The following PRORP variants were observed in gnomAD, a reference collection of about 807,000 sequenced individuals.
PRORP encodes the protein protein only RNase P catalytic subunit.
PRORP carries 51 observed loss-of-function variants against 59.4 expected under a neutral mutation model. That is an observed-to-expected ratio of 0.86 (90% confidence interval 0.69 to 1.08). The LOEUF is 1.08. PRORP is among the 50% of genes least tolerant of loss of function. The pLI is 0.00. For missense variants in PRORP, 646 were observed against 690.3 expected, an observed-to-expected ratio of 0.94 and a Z score of 0.72; for synonymous variants, 231 against 245.6, an observed-to-expected ratio of 0.94 and a Z score of 0.55.
intron 4 of PRORP, among the ~76,000 whole-genome samples, chr14:35,152,983 C>T (rs1311974780): frequency 8.5e-5 from 13 of 152,180 alleles, no homozygotes; most frequent in Non-Finnish European, 1.6e-4. Flanking sequence ...ACTTCCCAGA[C>T]GGGGTGGCGG....
chr14:35,259,551 T>A (rs186935033), intron 5 of PRORP, among the ~76,000 whole-genome samples: 1 of 152,330 alleles, frequency 6.6e-6, no homozygotes, highest in East Asian at 1.9e-4. Flanking sequence ...CTATTGAACT[T>A]TTTTAGAATT....
chr14:35,257,655 C>T (rs941454798), intron 5 of PRORP, among the ~76,000 whole-genome samples: 1 of 152,054 alleles, frequency 6.6e-6, no homozygotes, highest in African/African-American at 2.4e-5. Flanking sequence ...CTGGAGGTAT[C>T]CCATAATGAA....
At chr14:35,260,918 A>T (rs1300083212) in intron 5 of PRORP, among the ~76,000 whole-genome samples, 1 of 152,156 alleles carries the variant, frequency 6.6e-6, no homozygotes, top group African/African-American at 2.4e-5. Flanking sequence ...TTCTGCAACA[A>T]AGCGATCCAT....
intron 5 of PRORP, among the ~76,000 whole-genome samples, chr14:35,199,895 T>C (rs2139123630): frequency 6.6e-6 from 1 of 152,322 alleles, no homozygotes; most frequent in East Asian, 1.9e-4. Flanking sequence ...CCAATTATAA[T>C]AGGTCTCTCT....
intron 4 of PRORP, among the ~76,000 whole-genome samples, chr14:35,162,228 T>G (rs553561491): frequency 6.6e-6 from 1 of 152,252 alleles, no homozygotes; most frequent in South Asian, 2.1e-4. Flanking sequence ...AAGATAGATA[T>G]AAGATAGATT....
At chr14:35,144,577 G>A (rs2047560880) in intron 4 of PRORP, 1 of 145,930 alleles carries the variant, frequency 6.9e-6, no homozygotes, top group Non-Finnish European at 1.5e-5. Context: ...AGCATATGAA[G>A]AAAATGAAAG....
intron 5 of PRORP, among the ~76,000 whole-genome samples, chr14:35,183,236 A>ACACG (rs1327330111): frequency 1.1e-4 from 16 of 151,952 alleles, no homozygotes; most frequent in Admixed American, 6.6e-4. Flanking sequence ...ACACACACAC[A>ACACG]CACGCACACA....
chr14:35,239,654 A>G (rs1038797065), intron 5 of PRORP, among the ~76,000 whole-genome samples: 2 of 152,220 alleles, frequency 1.3e-5, no homozygotes, highest in African/African-American at 2.4e-5. Flanking sequence ...TTTCTTTGGC[A>G]TTTCAGACGT....
chr14:35,187,796 T>C (rs1309101373), intron 5 of PRORP, among the ~76,000 whole-genome samples: 2 of 152,000 alleles, frequency 1.3e-5, no homozygotes, highest in Non-Finnish European at 2.9e-5. Flanking sequence ...TTAATATATT[T>C]AATGGCCATT....
chr14:35,176,967 G>A (rs1457923663), intron 4 of PRORP, among the ~76,000 whole-genome samples: 1 of 152,164 alleles, frequency 6.6e-6, no homozygotes, highest in African/African-American at 2.4e-5. Context: ...GTTGAATTTT[G>A]TCAAAGGCCT....
intron 4 of PRORP, among the ~76,000 whole-genome samples, chr14:35,156,707 C>T (rs1176692381): frequency 1.3e-5 from 2 of 152,044 alleles, no homozygotes; most frequent in Non-Finnish European, 2.9e-5. Flanking sequence ...ATTATTTAAC[C>T]TGTAAAATTC....
At chr14:35,239,696 C>T (rs1052457835) in intron 5 of PRORP, among the ~76,000 whole-genome samples, 3 of 152,202 alleles carry the variant, frequency 2.0e-5, no homozygotes, top group Non-Finnish European at 4.4e-5. Context: ...TGAAGCCATA[C>T]CAGTGTCATG....
intron 4 of PRORP, among the ~76,000 whole-genome samples, chr14:35,156,918 T>C (rs2047927317): frequency 6.6e-6 from 1 of 152,028 alleles, no homozygotes; most frequent in African/African-American, 2.4e-5. Context: ...TCAATATTTC[T>C]TGCCCTAATA....
chr14:35,127,340 GATGT>G (rs2047123000), intron 3 of PRORP, 135 bp from the exon 4 acceptor site: 3 of 581,912 alleles, frequency 5.2e-6, no homozygotes, highest in South Asian at 8.0e-5. Context: ...CAAAAAATTA[GATGT>G]ATGTGATTAT....
intron 5 of PRORP, among the ~76,000 whole-genome samples, chr14:35,218,754 GACCTCAA>G (rs2049689125): frequency 6.6e-6 from 1 of 151,754 alleles, no homozygotes; most frequent in South Asian, 2.1e-4. Flanking sequence ...TTGAACTCCT[GACCTCAA>G]GTGATCCGCC....
At chr14:35,218,390 G>A (rs780284878) in intron 5 of PRORP, among the ~76,000 whole-genome samples, 2 of 139,164 alleles carry the variant, frequency 1.4e-5, no homozygotes, top group Non-Finnish European at 3.1e-5. Flanking sequence ...GAGCCCAGGA[G>A]GTCAAGGCTG....
chr14:35,247,512 C>T (rs2050514549), intron 5 of PRORP, among the ~76,000 whole-genome samples: 1 of 152,190 alleles, frequency 6.6e-6, no homozygotes, highest in Non-Finnish European at 1.5e-5. Context: ...GGCCAGGCTA[C>T]ACAAGTTTTC....
intron 5 of PRORP, among the ~76,000 whole-genome samples, chr14:35,258,751 G>A (rs145251152): frequency 6.6e-6 from 1 of 152,260 alleles, no homozygotes; most frequent in East Asian, 1.9e-4. Flanking sequence ...AATTTTAGAT[G>A]TGCTCTAGAA....
chr14:35,178,071 C>T (rs1397314542), intron 4 of PRORP, among the ~76,000 whole-genome samples: 1 of 152,150 alleles, frequency 6.6e-6, no homozygotes, highest in Non-Finnish European at 1.5e-5. Context: ...GTTTCTTAAT[C>T]CTGAGTTCTA....
Sources: allele counts gnomAD v4.1 joint callset (sites outside exome capture counted in the v4.1 genomes callset), GRCh38; gene constraint gnomAD v4.1.1; transcripts MANE v1.5; gene names NCBI Gene and HGNC (gene_info 2026-07-23, HGNC 2026-07-21).